The following OSTF1 variants were observed in gnomAD, a reference collection of about 807,000 sequenced individuals.
OSTF1 encodes osteoclast stimulating factor 1, also known as osteoclast-stimulating factor 1.
OSTF1 carries 27 observed loss-of-function variants against 37.2 expected under a neutral mutation model. The observed-to-expected ratio is 0.73, with a 90% CI of 0.54 to 1.00. OSTF1 has a LOEUF of 1.00. Ranked by LOEUF, OSTF1 falls within the 50% of genes least tolerant of loss-of-function variation. OSTF1 has a pLI of 0.00. For missense variants in OSTF1, 232 were observed against 253.8 expected (o/e 0.91, Z 0.58); for synonymous variants, 82 against 89.2 (o/e 0.92, Z 0.46).
chr9:75,094,556 G>C (rs747060449), intron 1 of OSTF1, among the ~76,000 whole-genome samples: 15 of 151,928 alleles, frequency 9.9e-5, no homozygotes, highest in Non-Finnish European at 1.5e-5. Context: ...TTTGACTTAC[G>C]TGACTAGTGC....
rs181002593 is a variant in OSTF1, at chr9:75,119,099, G to C, written c.81+1549G>C. Among the ~76,000 whole-genome samples, 4 of 152,206 alleles carry C rather than the reference G, an allele frequency of 2.6e-5. No homozygotes were observed. In the South Asian group the frequency reaches 8.3e-4, roughly 31 times the overall value. On this transcript the variant is annotated intron_variant, in intron 2 of 9. Transcript: ENST00000346234. ...AAGTGACACTGAGCATCAGTTCACT[G>C]CCATCAGGCCAGGGCCTGCCTTCAA...
chr9:75,106,759 T>G (rs1297617619), intron 1 of OSTF1, among the ~76,000 whole-genome samples: 23 of 141,410 alleles, frequency 1.6e-4, no homozygotes, highest in Non-Finnish European at 3.2e-4. Context: ...ATCAAGACCA[T>G]CCTGGCCAAC....
At chr9:75,090,013 C>T (rs140470717) in intron 1 of OSTF1, among the ~76,000 whole-genome samples, 2 of 152,204 alleles carry the variant, frequency 1.3e-5, no homozygotes, top group African/African-American at 4.8e-5. Flanking sequence ...AGATGGGGCA[C>T]AGCTAGAGTT....
At chr9:75,135,409 A>T (rs1401560875) in intron 7 of OSTF1, among the ~76,000 whole-genome samples, 1 of 152,210 alleles carries the variant, frequency 6.6e-6, no homozygotes, top group Admixed American at 6.5e-5. Flanking sequence ...GCTAGCATTC[A>T]TCTCTTCCCA....
At chr9:75,116,882 TAAG>T (rs1487727528) in intron 1 of OSTF1, among the ~76,000 whole-genome samples, 1 of 152,102 alleles carries the variant, frequency 6.6e-6, no homozygotes, top group Non-Finnish European at 1.5e-5. Flanking sequence ...TACATTCACT[TAAG>T]AAATATTAAA....
At chr9:75,088,824 C>T in intron 1 of OSTF1, 98 bp downstream of exon 1, 4 of 1,236,490 alleles carry the variant, frequency 3.2e-6, no homozygotes, top group Non-Finnish European at 1.2e-6. Flanking sequence ...GCGCACCCGG[C>T]CCCGAGCCTG....
intron 1 of OSTF1, among the ~76,000 whole-genome samples, chr9:75,115,583 C>G (rs532085819): frequency 6.6e-6 from 1 of 151,898 alleles, no homozygotes; most frequent in Non-Finnish European, 1.5e-5. Flanking sequence ...TAGATAGTCC[C>G]TCTATTTTGA....
chr9:75,139,652 A>G, intron 8 of OSTF1, among the ~76,000 whole-genome samples: 1 of 152,308 alleles, frequency 6.6e-6, no homozygotes, highest in East Asian at 1.9e-4. Context: ...TGAACTCCTG[A>G]CCTCAAATGA....
rs1259274167 is a variant in OSTF1 at position 75,106,651 on chromosome 9, A to AC, written c.35-10853_35-10852insC. Among the ~76,000 whole-genome samples the AC allele has an allele frequency of 4.5e-3, 667 of 149,570 alleles. 9 individuals are homozygous for AC. Among genetic ancestry groups the AC allele is most frequent in the African/African-American group, 0.016 (640 of 40,482 alleles). On this transcript the variant is annotated intron_variant, in intron 1 of 9. Transcript: ENST00000346234. ...CAAGAGTGAAATTCCATCTCGAAAA[A>AC]AAAAAAAAAAAAAAGCAGTGGGTGC...
At chr9:75,132,994 C>G (rs7040987) in intron 5 of OSTF1, among the ~76,000 whole-genome samples, 1 of 85,514 alleles carries the variant, frequency 1.2e-5, no homozygotes, top group Non-Finnish European at 2.8e-5. Flanking sequence ...CACACACACA[C>G]ACACACACAC....
chr9:75,095,988 T>C (rs1825078143), intron 1 of OSTF1, among the ~76,000 whole-genome samples: 1 of 151,418 alleles, frequency 6.6e-6, no homozygotes, highest in African/African-American at 2.4e-5. Flanking sequence ...GCCTCCCGGG[T>C]TCACGCCATT....
chr9:75,103,094 C>G (rs1287450554), intron 1 of OSTF1, among the ~76,000 whole-genome samples: 2 of 151,914 alleles, frequency 1.3e-5, no homozygotes, highest in Non-Finnish European at 2.9e-5. Flanking sequence ...TAAGACCAGC[C>G]CATGCAACAT....
chr9:75,136,355 T>C (rs915702693), intron 7 of OSTF1, among the ~76,000 whole-genome samples: 2 of 152,208 alleles, frequency 1.3e-5, no homozygotes, highest in Non-Finnish European at 2.9e-5. Flanking sequence ...TAAAATATTG[T>C]AGGCTTTCCA....
chr9:75,116,665 C>G (rs1356324341), intron 1 of OSTF1, among the ~76,000 whole-genome samples: 1 of 143,318 alleles, frequency 7.0e-6, no homozygotes, highest in African/African-American at 2.6e-5. Context: ...ATATAGAATT[C>G]CAACCCACTG....
At chr9:75,136,497 A>G (rs982366522) in intron 7 of OSTF1, among the ~76,000 whole-genome samples, 1 of 152,020 alleles carries the variant, frequency 6.6e-6, no homozygotes, top group Non-Finnish European at 1.5e-5. Flanking sequence ...GGTTCAAGCT[A>G]TTCTCCTGCC....
intron 1 of OSTF1, among the ~76,000 whole-genome samples, chr9:75,089,423 T>C (rs1824903640): frequency 6.6e-6 from 1 of 152,090 alleles, no homozygotes; most frequent in Non-Finnish European, 1.5e-5. Context: ...ACTAAATTCC[T>C]CAAAGCAGTT....
intron 3 of OSTF1, among the ~76,000 whole-genome samples, chr9:75,129,401 A>G (rs1229683779): frequency 3.9e-5 from 6 of 152,186 alleles, no homozygotes; most frequent in Non-Finnish European, 7.3e-5. Context: ...AGGTTATTTC[A>G]ATGAAGAAGG....
At chr9:75,138,802 T>C (rs944301425) in intron 8 of OSTF1, among the ~76,000 whole-genome samples, 18 of 152,106 alleles carry the variant, frequency 1.2e-4, no homozygotes, top group African/African-American at 4.3e-4. Context: ...AAATCATGTC[T>C]ATGAGCTCTA....
chr9:75,111,658 C>T (rs1324310069), intron 1 of OSTF1, among the ~76,000 whole-genome samples: 1 of 152,040 alleles, frequency 6.6e-6, no homozygotes, highest in Admixed American at 6.6e-5. Flanking sequence ...CATTTTTCCT[C>T]TTTGTTATAT....
Sources: allele counts gnomAD v4.1 joint callset (sites outside exome capture counted in the v4.1 genomes callset), GRCh38; gene constraint gnomAD v4.1.1; transcripts MANE v1.5; gene names NCBI Gene and HGNC (gene_info 2026-07-23, HGNC 2026-07-21).